Variants in FGFR3 observed in about 807,000 individuals in gnomAD.
FGFR3 encodes the protein FGFR-3.
Under a neutral mutation model 82.9 loss-of-function variants are expected in FGFR3, and 25 were observed. The observed-to-expected ratio is 0.30, with a 90% CI of 0.22 to 0.42. The LOEUF is 0.42. Ranked by LOEUF, FGFR3 falls within the 10% of genes least tolerant of loss-of-function variation. The probability of loss-of-function intolerance (pLI) is 1.00; values close to 1 mark genes in which losing one functional copy is unlikely to be tolerated. For synonymous variants in FGFR3, 620 were observed against 516.0 expected (o/e 1.20, Z -2.73); for missense variants, 1,026 against 1,161.0 (o/e 0.88, Z 1.69).
rs764613314 is a variant in FGFR3 at position 1,803,833 on chromosome 4, C to T, written c.1072C>T (p.Pro358Ser). 7 of 1,613,732 alleles carry T rather than the reference C, an allele frequency of 4.3e-6. No individual in the cohort carries two copies. Among genetic ancestry groups the T allele is most frequent in the Non-Finnish European group, 5.9e-6 (7 of 1,179,912 alleles). Residue 358 changes from proline (P) to serine (S), a missense_variant, in exon 8 of 18, where the codon CCA (proline) becomes TCA (serine). Pro to Ser is a moderately conservative substitution (Grantham distance 74). Coordinates refer to ENST00000440486, the MANE Select transcript of FGFR3 (RefSeq NM_000142.5). Reference sequence around the variant, plus strand: ...TCACTCTGCGTGGCTGGTGGTGCTGCCAGGTACCGGCTTCTGCTGCTGCTG... The same window carrying T: ...TCACTCTGCGTGGCTGGTGGTGCTGTCAGGTACCGGCTTCTGCTGCTGCTG... ...SHHSAWLVVLPAEEELVEADE... is the reference protein window; with the variant it reads ...SHHSAWLVVLSAEEELVEADE...
At position 1,808,000 on chromosome 4, in the gene FGFR3, G is replaced by A. The variant is rs984706246; in HGVS notation, c.*738G>A. ...AGGCAGGCATGGCCCTGGGCGGGGC[G>A]TGGGGGGGCGTGGAGGGAGGCCCCA... On this transcript the variant is annotated 3_prime_UTR_variant, in exon 18 of 18. Transcript: ENST00000440486. 15 of 241,154 alleles carry A rather than the reference G, an allele frequency of 6.2e-5. No individual in the cohort carries two copies. The highest frequency in any genetic ancestry group is 1.8e-4 in the African/African-American group (8 of 45,378). The allele number at this position is 241,154 out of a possible 1,614,324, so 14.9% of individuals were successfully genotyped here.
rs762888506 is a variant in FGFR3 at position 1,806,909 on chromosome 4, G to T, written c.2249G>T (p.Arg750Leu). The change falls in exon 17 of 18, where the codon CGT becomes CTT. Residue 750 changes from arginine to leucine, a missense_variant. By Grantham distance (102) the Arg-to-Leu change is moderately radical. Around this residue, in one of 9 missense-constraint regions of FGFR3, gnomAD observed 155 missense variants for 150.2 expected, o/e 1.03. Coordinates refer to ENST00000440486, the MANE Select transcript of FGFR3 (RefSeq NM_000142.5). ...AAGCAGCTGGTGGAGGACCTGGACC[G>T]TGTCCTTACCGTGACGTCCACCGAC... ...TFKQLVEDLD[R>L]VLTVTSTDEY... 2.5e-6 allele frequency: 4 copies of T among 1,610,388 alleles called. No homozygotes were observed. Among genetic ancestry groups the T allele is most frequent in the African/African-American group, 2.7e-5 (2 of 74,854 alleles).
rs1383822082 is a variant in FGFR3, at chr4:1,807,223, G to GC, written c.2387dup (p.Ala797GlyfsTer20). On this transcript the variant is annotated frameshift_variant, in exon 18 of 18. Coordinates refer to ENST00000440486, the MANE Select transcript of FGFR3 (RefSeq NM_000142.5). LOFTEE classifies it high-confidence loss of function. ...ACTCCGTGTTTGCCCACGACCTGCT[G>GC]CCCCCGGCCCCACCCAGCAGTGGGG... 1 of 1,607,874 alleles carries GC rather than the reference G, an allele frequency of 6.2e-7. No individual in the cohort carries two copies. Among genetic ancestry groups the GC allele is most frequent in the East Asian group, 2.2e-5 (1 of 44,680 alleles).
chr4:1,805,687 G>T lies in FGFR3; in HGVS notation c.1645+18G>T. The T allele has an allele frequency of 6.2e-7, 1 of 1,611,360 alleles. No homozygotes were observed. The highest frequency in any genetic ancestry group is 8.5e-7 in the Non-Finnish European group (1 of 1,178,858). On this transcript the variant is annotated intron_variant, in intron 12 of 17. Transcript: ENST00000440486. ...GCAGGGCGGTAGGTGCGGTAGCGGC[G>T]GTGGTGCCGGCTGGGCGGCCCTCCT...
At chr4:1,799,174 G>A (rs566525228) in intron 2 of FGFR3, 80 bp from the exon 3 acceptor site, 31 of 1,599,078 alleles carry the variant, frequency 1.9e-5, no homozygotes, top group South Asian at 1.2e-4. Flanking sequence ...ACTCAGGGCC[G>A]CCGAGGCTTC....
rs373209526 is a variant in FGFR3, at chr4:1,801,434, C to T, written c.513C>T (p.Thr171=). 2.8e-5 allele frequency: 43 copies of T among 1,552,542 alleles called. 1 individual carries two copies. Among genetic ancestry groups the T allele is most frequent in the African/African-American group, 2.2e-4 (16 of 73,284 alleles). ...TGCTGGCCGTGCCGGCCGCCAACAC[C>T]GTCCGCTTCCGCTGCCCAGCCGCTG... ...KKLLAVPAAN[T]VRFRCPAAGN... is the part of the protein sequence containing the mutation. The change falls in exon 5 of 18, where the codon ACC becomes ACT. Residue 171 remains threonine, a synonymous_variant. Transcript: ENST00000440486.
Position 1,805,579 on chromosome 4 carries a change from C to T in FGFR3, c.1555C>T (p.Leu519=), listed in dbSNP as rs1721793280. The part of the protein sequence containing the change: ...MLKDDATDKD[L]SDLVSEMEMM... ...CACAGACGATGCCACTGACAAGGAC[C>T]TGTCGGACCTGGTGTCTGAGATGGA... Residue 519 remains leucine, a synonymous_variant, in exon 12 of 18, where the codon CTG becomes TTG. Transcript: ENST00000440486. The T allele has an allele frequency of 1.2e-6, 2 of 1,613,152 alleles. No individual in the cohort carries two copies. The highest frequency in any genetic ancestry group is 1.3e-5 in the African/African-American group (1 of 74,916).
At position 1,806,161 on chromosome 4, in the gene FGFR3, G is replaced by A. The variant is rs752674541; in HGVS notation, c.1947G>A (p.Lys649=). 3 of 1,613,022 alleles carry A rather than the reference G, an allele frequency of 1.9e-6. No individual in the cohort carries two copies. Among genetic ancestry groups the A allele is most frequent in the Non-Finnish European group, 2.5e-6 (3 of 1,179,720 alleles). Residue 649 remains lysine (K), a synonymous_variant, in exon 14 of 18, where the codon AAG becomes AAA. Coordinates refer to ENST00000440486, the MANE Select transcript of FGFR3 (RefSeq NM_000142.5). ...ACGTGCACAACCTCGACTACTACAA[G>A]AAGACGACCAACGTGAGCCCGGCCC... is the stretch of plus-strand genomic sequence containing the variant. ...ARDVHNLDYY[K]KTTNGRLPVK...
At chr4:1,797,913 G>C (rs1156389445) in intron 2 of FGFR3, among the ~76,000 whole-genome samples, 1 of 152,210 alleles carries the variant, frequency 6.6e-6, no homozygotes, top group Non-Finnish European at 1.5e-5. Context: ...GGTGTGGCCA[G>C]AGTGGGCAGC....
chr4:1,808,269 C>T lies in FGFR3; in HGVS notation c.*1007C>T, dbSNP rs779754240. On this transcript the variant is annotated 3_prime_UTR_variant, in exon 18 of 18. Coordinates refer to ENST00000440486, the MANE Select transcript of FGFR3 (RefSeq NM_000142.5). ...CCAAGAATGTACGTCCAGCCTGCCC[C>T]GGAGCTGGAGGATCCCCTCCAAGCC... 5.2e-5 allele frequency: 12 copies of T among 232,544 alleles called. No individual in the cohort carries two copies. Among genetic ancestry groups the T allele is most frequent in the Non-Finnish European group, 9.4e-5 (11 of 117,610 alleles). The allele number at this position is 232,544 out of a possible 1,614,324, so 14.4% of individuals were successfully genotyped here.
At chr4:1,804,636 C>T in intron 9 of FGFR3, 116 bp downstream of exon 9, 3 of 1,477,264 alleles carry the variant, frequency 2.0e-6, no homozygotes, top group African/African-American at 2.8e-5. Context: ...CAGGCGGGCT[C>T]CCCTCTCCTC....
chr4:1,801,777 G>A (rs774559357), intron 6 of FGFR3, 34 bp downstream of exon 6: 11 of 1,588,642 alleles, frequency 6.9e-6, no homozygotes, highest in South Asian at 3.4e-5. Context: ...GGGTGGGGGC[G>A]GCAGTGGCGG....
intron 2 of FGFR3, among the ~76,000 whole-genome samples, chr4:1,795,726 C>G (rs1399504551): frequency 6.6e-6 from 1 of 152,194 alleles, no homozygotes; most frequent in East Asian, 1.9e-4. Context: ...TGGTTGGGAC[C>G]TGGAGTGACC....
rs1560440838 is a variant in FGFR3, at chr4:1,805,842, G to GAC, written c.1741_1742dup (p.Cys582ProfsTer45). The GAC allele has an allele frequency of 6.2e-7, 1 of 1,612,554 alleles. No individual in the cohort carries two copies. The highest frequency in any genetic ancestry group is 8.5e-7 in the Non-Finnish European group (1 of 1,179,878). ...GCCCCCGGGCCTGGACTACTCCTTCGACACCTGCAAGCCGCCCGAGGAGCA... is the reference window on the plus strand; with the variant it reads ...GCCCCCGGGCCTGGACTACTCCTTCGACACACCTGCAAGCCGCCCGAGGAGCA... On this transcript the variant is annotated frameshift_variant, in exon 13 of 18. Transcript: ENST00000440486. LOFTEE classifies it high-confidence loss of function.
chr4:1,795,454 G>T (rs1321006165), intron 2 of FGFR3, among the ~76,000 whole-genome samples: 2 of 133,376 alleles, frequency 1.5e-5, no homozygotes, highest in Non-Finnish European at 3.2e-5. Context: ...GCCCCCGCCC[G>T]CACTGGAGCT....
intron 2 of FGFR3, among the ~76,000 whole-genome samples, chr4:1,794,470 G>A (rs3135836): frequency 0.032 from 4,829 of 152,268 alleles, 127 homozygotes; most frequent in Middle Eastern, 0.082. Context: ...GCGAGAGACC[G>A]GACTTCTAAG....
At chr4:1,794,138 T>G (rs530915227) in intron 2 of FGFR3, 95 bp downstream of exon 2, 1 of 592,766 alleles carries the variant, frequency 1.7e-6, no homozygotes, top group South Asian at 5.2e-5. Flanking sequence ...GGCCGCCGGG[T>G]GTGAGTGACG....
rs1233307402 is a variant in FGFR3, at chr4:1,803,193, C to T, written c.931-499C>T. On this transcript the variant is annotated intron_variant, in intron 7 of 17. Coordinates refer to ENST00000440486, the MANE Select transcript of FGFR3 (RefSeq NM_000142.5). ...CGGCTCGCGCTCCACTCGGGGCCGC[C>T]TCGGCAAGGCTGGCAGCTCCAGCCT... is the stretch of plus-strand genomic sequence containing the variant. 8 of 1,148,750 alleles carry T rather than the reference C, an allele frequency of 7.0e-6. No individual in the cohort carries two copies. The Admixed American group carries it at 2.0e-4, about 29-fold the overall frequency. 71.2% of individuals were successfully genotyped at this position (1,148,750 alleles called of 1,614,324 possible).
At chr4:1,795,630 G>A (rs900332123) in intron 2 of FGFR3, among the ~76,000 whole-genome samples, 2 of 152,222 alleles carry the variant, frequency 1.3e-5, no homozygotes, top group Non-Finnish European at 2.9e-5. Flanking sequence ...GGTCAAGGGC[G>A]GTGGGAAAGG....
Sources: gnomAD v4.1 joint callset for allele counts (sites outside exome capture counted in the v4.1 genomes callset) on GRCh38, gnomAD v4.1.1 for gene constraint, gnomAD v4.1.1 regional missense constraint, MANE v1.5 for transcripts, NCBI Gene and HGNC (gene_info 2026-07-23, HGNC 2026-07-21) for gene names.